Variants in LGR5 observed in about 807,000 individuals in gnomAD.
LGR5 encodes the protein leucine rich repeat containing G protein-coupled receptor 5.
In LGR5, 54 loss-of-function variants were observed where a neutral mutation model predicts 76.7. The ratio of observed to expected loss-of-function variants is 0.70; its 90% CI spans 0.57 to 0.88. LGR5 has a LOEUF of 0.88. Among genes scored for constraint, LGR5 ranks in the 40% least tolerant of loss-of-function variants. The pLI, the probability that LGR5 is intolerant of heterozygous loss-of-function variation, is 0.00. For synonymous variants in LGR5, 406 were observed against 421.9 expected, an observed-to-expected ratio of 0.96 and a Z score of 0.46; for missense variants, 1,078 against 1,073.3, an observed-to-expected ratio of 1.00 and a Z score of -0.06.
At chr12:71,451,687 C>T (rs1182166703) in intron 1 of LGR5, among the ~76,000 whole-genome samples, 3 of 152,188 alleles carry the variant, frequency 2.0e-5, no homozygotes, top group Non-Finnish European at 4.4e-5. Flanking sequence ...GTTTCTACTA[C>T]TGGACTATAT....
chr12:71,572,881 A>G lies in LGR5; in HGVS notation c.1168A>G (p.Lys390Glu). The change falls in exon 13 of 18, where the codon AAA (lysine) becomes GAA (glutamate). Residue 390 changes from lysine to glutamate, a missense_variant. By Grantham distance (56) the Lys-to-Glu change is moderately conservative. Transcript: ENST00000266674. ...DLRHNEIYEI[K>E]VDTFQQLLSL... ...AAGACATAATGAAATCTACGAAATT[A>G]AAGTTGACACTTTCCAGCAGTTGCT... 1 of 1,613,888 alleles carries G rather than the reference A, an allele frequency of 6.2e-7. No individual in the cohort carries two copies. Among genetic ancestry groups the G allele is most frequent in the Non-Finnish European group, 8.5e-7 (1 of 1,179,804 alleles).
At chr12:71,562,548 A>G (rs1281409956) in intron 8 of LGR5, among the ~76,000 whole-genome samples, 2 of 152,218 alleles carry the variant, frequency 1.3e-5, no homozygotes, top group East Asian at 1.9e-4. Context: ...GAAGTCTATC[A>G]TGGGCAACAG....
At chr12:71,528,978 C>G (rs1229069512) in intron 3 of LGR5, among the ~76,000 whole-genome samples, 1 of 152,090 alleles carries the variant, frequency 6.6e-6, no homozygotes, top group Non-Finnish European at 1.5e-5. Context: ...ACTATCTTAC[C>G]CTAACACATA....
intron 1 of LGR5, among the ~76,000 whole-genome samples, chr12:71,460,236 C>T (rs1440533287): frequency 6.6e-6 from 1 of 151,984 alleles, no homozygotes; most frequent in Non-Finnish European, 1.5e-5. Flanking sequence ...CATGAGACAA[C>T]AGTGACTGGA....
At chr12:71,557,928 T>C (rs916609901) in intron 6 of LGR5, among the ~76,000 whole-genome samples, 2 of 152,164 alleles carry the variant, frequency 1.3e-5, no homozygotes, top group African/African-American at 4.8e-5. Flanking sequence ...GGGCCCACTG[T>C]TCATTTGCAC....
intron 2 of LGR5, among the ~76,000 whole-genome samples, chr12:71,518,252 C>A (rs553345998): frequency 8.9e-4 from 135 of 152,164 alleles, no homozygotes; most frequent in African/African-American, 2.6e-3. Context: ...GAAAAAAAAG[C>A]TCAGCATTAC....
intron 1 of LGR5, among the ~76,000 whole-genome samples, chr12:71,468,961 C>T (rs1325797046): frequency 2.0e-5 from 3 of 151,840 alleles, no homozygotes; most frequent in African/African-American, 7.3e-5. Context: ...AAATAGCCCC[C>T]CAAATATTAA....
chr12:71,469,000 G>T (rs1220400907), intron 1 of LGR5, among the ~76,000 whole-genome samples: 1 of 152,096 alleles, frequency 6.6e-6, no homozygotes, highest in African/African-American at 2.4e-5. Context: ...TTCGAAAAGA[G>T]AATTGATGCT....
At chr12:71,463,712 C>T (rs565954996) in intron 1 of LGR5, among the ~76,000 whole-genome samples, 3 of 152,106 alleles carry the variant, frequency 2.0e-5, no homozygotes, top group Non-Finnish European at 4.4e-5. Flanking sequence ...GGTAATTGAT[C>T]ATTCTACTGT....
At chr12:71,497,345 G>A (rs1270831311) in intron 1 of LGR5, among the ~76,000 whole-genome samples, 3 of 110,362 alleles carry the variant, frequency 2.7e-5, no homozygotes, top group Non-Finnish European at 4.3e-5. Flanking sequence ...AGAGAAAGAG[G>A]AAGGAAGGAA....
chr12:71,538,851 G>T (rs538162537), intron 4 of LGR5, among the ~76,000 whole-genome samples: 5 of 152,070 alleles, frequency 3.3e-5, no homozygotes, highest in Admixed American at 6.6e-5. Context: ...GAGCAAGACC[G>T]TGTCTCTGAA....
intron 1 of LGR5, among the ~76,000 whole-genome samples, chr12:71,478,554 C>G (rs1270376697): frequency 6.6e-6 from 1 of 152,088 alleles, no homozygotes; most frequent in Non-Finnish European, 1.5e-5. Flanking sequence ...CTGTGTTGGT[C>G]AATAAGTCCC....
At chr12:71,455,486 T>G (rs12299079) in intron 1 of LGR5, among the ~76,000 whole-genome samples, 9,126 of 152,200 alleles carry the variant, frequency 0.06, 943 homozygotes, top group African/African-American at 0.21. Flanking sequence ...CTCTCCTGCC[T>G]TGAGCATTAT....
At chr12:71,512,515 C>T (rs1397762481) in intron 2 of LGR5, among the ~76,000 whole-genome samples, 3 of 152,132 alleles carry the variant, frequency 2.0e-5, no homozygotes, top group East Asian at 1.9e-4. Context: ...CCAGAGATTC[C>T]GATTTAATGG....
At chr12:71,567,246 G>A (rs1399654470) in intron 11 of LGR5, 1 of 274,808 alleles carries the variant, frequency 3.6e-6, no homozygotes, top group Non-Finnish European at 7.1e-6. Flanking sequence ...ATAACATAAT[G>A]GATCAACCAC....
At chr12:71,525,793 T>C (rs914800471) in intron 3 of LGR5, among the ~76,000 whole-genome samples, 12 of 151,488 alleles carry the variant, frequency 7.9e-5, no homozygotes, top group African/African-American at 2.7e-4. Flanking sequence ...TAAATTAATA[T>C]GGATATATAT....
intron 6 of LGR5, among the ~76,000 whole-genome samples, chr12:71,557,271 C>A (rs376550008): frequency 1.3e-5 from 2 of 152,126 alleles, no homozygotes; most frequent in African/African-American, 4.8e-5. Context: ...GGTGACAGAG[C>A]AAGACCTTGT....
chr12:71,440,048 G>GCGTC lies in LGR5; in HGVS notation c.-30_-27dup. ...AGCAGTCCGGTGCTGCTCTCCGCCCGCGTCCGGCTCGTGGCCCCCTACTTC... is the reference window on the plus strand; with the variant it reads ...AGCAGTCCGGTGCTGCTCTCCGCCCGCGTCCGTCCGGCTCGTGGCCCCCTACTTC... On this transcript the variant is annotated 5_prime_UTR_variant, in exon 1 of 18. Transcript: ENST00000266674. This position sits in a 1 kb window ranked among gnomAD's most constrained non-coding sequence, Gnocchi z 5.3. 14 of 1,592,170 alleles carry GCGTC rather than the reference G, an allele frequency of 8.8e-6. No individual in the cohort carries two copies. The highest frequency in any genetic ancestry group is 1.0e-5 in the Non-Finnish European group (12 of 1,174,342).
chr12:71,566,881 G>A lies in LGR5; in HGVS notation c.1039G>A (p.Val347Ile), dbSNP rs148862507. 520 of 1,613,684 alleles carry A rather than the reference G, an allele frequency of 3.2e-4. No homozygotes were observed. The African/African-American group carries it at 5.7e-3, about 18-fold the overall frequency. Residue 347 changes from valine to isoleucine, a missense_variant, in exon 11 of 18, where the codon GTC becomes ATC. By Grantham distance (29) the Val-to-Ile change is conservative. Coordinates refer to ENST00000266674, the MANE Select transcript of LGR5 (RefSeq NM_003667.4). The part of the protein sequence containing the change: ...GAQISSLPQT[V>I]CNQLPNLQVL... ...ACAGATCTCATCTCTTCCTCAAACCGTCTGCAATCAGTTACCTAATCTCCA... is the reference window on the plus strand; with the variant it reads ...ACAGATCTCATCTCTTCCTCAAACCATCTGCAATCAGTTACCTAATCTCCA...
Sources: allele counts gnomAD v4.1 joint callset (sites outside exome capture counted in the v4.1 genomes callset), GRCh38; gene constraint gnomAD v4.1.1; non-coding constraint Gnocchi (gnomAD v3.1); transcripts MANE v1.5; gene names NCBI Gene and HGNC (gene_info 2026-07-23, HGNC 2026-07-21).